CTNNA3: variants seen among roughly 807,000 people sequenced by gnomAD.
CTNNA3 encodes catenin alpha-3.
CTNNA3 carries 76 observed loss-of-function variants against 95.7 expected under a neutral mutation model. The observed-to-expected ratio is 0.79, with a 90% CI of 0.66 to 0.96. The LOEUF is 0.96. Among genes scored for constraint, CTNNA3 ranks in the 40% least tolerant of loss-of-function variants. The pLI, the probability that CTNNA3 is intolerant of heterozygous loss-of-function variation, is 0.00. For missense variants in CTNNA3, 1,191 were observed against 1,089.8 expected, an observed-to-expected ratio of 1.09 and a Z score of -1.31; for synonymous variants, 431 against 374.4, an observed-to-expected ratio of 1.15 and a Z score of -1.74.
chr10:66,704,137 G>A (rs1350225624), intron 9 of CTNNA3, among the ~76,000 whole-genome samples: 3 of 152,118 alleles, frequency 2.0e-5, no homozygotes, highest in Admixed American at 6.6e-5. Flanking sequence ...TTTATTGTTA[G>A]CTGTATACGG....
chr10:66,460,374 T>TTATTCTGGTCAGA (rs2093521058), intron 11 of CTNNA3, among the ~76,000 whole-genome samples: 1 of 152,206 alleles, frequency 6.6e-6, no homozygotes, highest in Non-Finnish European at 1.5e-5. Context: ...TGCATTGACC[T>TTATTCTGGTCAGA]ATATTCTGAC....
intron 5 of CTNNA3, among the ~76,000 whole-genome samples, chr10:67,429,377 A>G (rs1046272400): frequency 1.8e-4 from 27 of 152,178 alleles, no homozygotes; most frequent in African/African-American, 6.3e-4. Flanking sequence ...CAATTTGACT[A>G]TAATAGTGGT....
intron 3 of CTNNA3, among the ~76,000 whole-genome samples, chr10:67,596,724 G>A (rs1228628299): frequency 6.6e-6 from 1 of 152,162 alleles, no homozygotes; most frequent in African/African-American, 2.4e-5. Context: ...ATTTGCCTTG[G>A]AGAATGATAA....
At position 67,530,209 on chromosome 10, in the gene CTNNA3, T is replaced by C. The variant is rs947605558; in HGVS notation, c.460-8248A>G. On this transcript the variant is annotated intron_variant, in intron 4 of 17. Coordinates refer to ENST00000433211, the MANE Select transcript of CTNNA3 (RefSeq NM_013266.4). ...CAGTAGAGTGGGGTGCTGCTGTAGATACCTGAAAATGTGGAAGCAATTTGG... is the reference window on the plus strand; with the variant it reads ...CAGTAGAGTGGGGTGCTGCTGTAGACACCTGAAAATGTGGAAGCAATTTGG... Among the ~76,000 whole-genome samples, 5 of 152,212 alleles carry C rather than the reference T, an allele frequency of 3.3e-5. No individual in the cohort carries two copies. The East Asian group carries it at 9.6e-4, about 29-fold the overall frequency.
intron 1 of CTNNA3, among the ~76,000 whole-genome samples, chr10:67,688,633 T>C (rs567501045): frequency 6.9e-4 from 105 of 152,138 alleles, no homozygotes; most frequent in Non-Finnish European, 7.4e-5. Context: ...GCTGCCTCTT[T>C]TTCAGGGTTT....
chr10:67,328,568 G>A (rs917184313), intron 5 of CTNNA3, among the ~76,000 whole-genome samples: 1 of 152,232 alleles, frequency 6.6e-6, no homozygotes, highest in African/African-American at 2.4e-5. Flanking sequence ...GGTTCCAGAG[G>A]CCTGTGGCAA....
At chr10:66,164,999 G>C (rs918286859) in intron 13 of CTNNA3, among the ~76,000 whole-genome samples, 1 of 151,944 alleles carries the variant, frequency 6.6e-6, no homozygotes, top group Non-Finnish European at 1.5e-5. Context: ...TCTGACACTT[G>C]GCATATTAGT....
chr10:66,599,060 G>A (rs1843823924), intron 10 of CTNNA3, among the ~76,000 whole-genome samples: 1 of 151,906 alleles, frequency 6.6e-6, no homozygotes, highest in African/African-American at 2.4e-5. Context: ...TAGACCAATG[G>A]AATAGATTAG....
chr10:67,605,332 G>T (rs1325572511), intron 3 of CTNNA3, among the ~76,000 whole-genome samples: 1 of 152,164 alleles, frequency 6.6e-6, no homozygotes, highest in East Asian at 1.9e-4. Context: ...GTCATACAGA[G>T]ACAGAGAATA....
At chr10:66,237,988 A>G (rs1026741433) in intron 13 of CTNNA3, among the ~76,000 whole-genome samples, 1 of 151,990 alleles carries the variant, frequency 6.6e-6, no homozygotes, top group Admixed American at 6.6e-5. Flanking sequence ...TTTTTTCTAA[A>G]TTGTCATAGA....
At chr10:67,546,347 G>A (rs1840843453) in intron 3 of CTNNA3, among the ~76,000 whole-genome samples, 1 of 151,938 alleles carries the variant, frequency 6.6e-6, no homozygotes, top group South Asian at 2.1e-4. Flanking sequence ...TGCCCAAGCT[G>A]GTCTAGAACT....
At chr10:65,980,745 A>G (rs2078303700) in intron 16 of CTNNA3, among the ~76,000 whole-genome samples, 1 of 151,960 alleles carries the variant, frequency 6.6e-6, no homozygotes, top group Non-Finnish European at 1.5e-5. Flanking sequence ...AAAATATTAC[A>G]TGATCATCTC....
At chr10:66,055,509 T>G (rs1308176719) in intron 15 of CTNNA3, among the ~76,000 whole-genome samples, 1 of 152,208 alleles carries the variant, frequency 6.6e-6, no homozygotes, top group Non-Finnish European at 1.5e-5. Context: ...TTTCTTTTTT[T>G]CAGACTGCTT....
chr10:66,193,020 A>G (rs1455765425), intron 13 of CTNNA3, among the ~76,000 whole-genome samples: 1 of 152,176 alleles, frequency 6.6e-6, no homozygotes, highest in Non-Finnish European at 1.5e-5. Context: ...GAGTTTGTAA[A>G]TAAGTCAGAA....
chr10:66,123,367 G>T (rs921342925), intron 13 of CTNNA3, among the ~76,000 whole-genome samples: 3 of 152,180 alleles, frequency 2.0e-5, no homozygotes, highest in Non-Finnish European at 4.4e-5. Context: ...GATGCAAGAG[G>T]TGGGTTCCCA....
intron 7 of CTNNA3, among the ~76,000 whole-genome samples, chr10:67,108,711 C>G (rs991961058): frequency 6.6e-6 from 1 of 152,128 alleles, no homozygotes; most frequent in Non-Finnish European, 1.5e-5. Flanking sequence ...TGTCTACAGG[C>G]TCCACATCCA....
chr10:66,573,225 T>C (rs1426574943), intron 10 of CTNNA3, among the ~76,000 whole-genome samples: 1 of 152,216 alleles, frequency 6.6e-6, no homozygotes, highest in East Asian at 1.9e-4. Context: ...TGGACAACTG[T>C]ATTTCAGTGT....
chr10:66,919,648 T>C (rs1846684622), intron 7 of CTNNA3, among the ~76,000 whole-genome samples: 1 of 152,206 alleles, frequency 6.6e-6, no homozygotes. Context: ...TCTTTATTCA[T>C]TTATCTAAGT....
chr10:67,328,838 T>C (rs74970707), intron 5 of CTNNA3, among the ~76,000 whole-genome samples: 8,249 of 152,220 alleles, frequency 0.054, 726 homozygotes, highest in African/African-American at 0.18. Context: ...CCCCACCAAT[T>C]CTTTTTCTTT....
Sources: gnomAD v4.1 joint callset for allele counts (sites outside exome capture counted in the v4.1 genomes callset) on GRCh38, gnomAD v4.1.1 for gene constraint, MANE v1.5 for transcripts, NCBI Gene and HGNC (gene_info 2026-07-23, HGNC 2026-07-21) for gene names.